Variants in LAMA3 observed in about 807,000 individuals in gnomAD.
LAMA3 encodes the protein laminin subunit alpha-3.
In LAMA3, 281 loss-of-function variants were observed where a neutral mutation model predicts 402.0. The observed-to-expected ratio is 0.70, with a 90% CI of 0.63 to 0.77. The LOEUF (loss-of-function observed/expected upper bound fraction) is 0.77, where lower values mean the gene tolerates loss of function less well. Among genes scored for constraint, LAMA3 ranks in the 30% least tolerant of loss-of-function variants. LAMA3 has a pLI of 0.00. For missense variants in LAMA3, 3,840 were observed against 4,215.5 expected, an observed-to-expected ratio of 0.91 and a Z score of 2.47; for synonymous variants, 1,431 against 1,558.4, an observed-to-expected ratio of 0.92 and a Z score of 1.93.
At chr18:23,838,975 A>G (rs2063641329) in intron 26 of LAMA3, 97 bp downstream of exon 26, 10 of 797,600 alleles carry the variant, frequency 1.3e-5, no homozygotes, top group Admixed American at 3.7e-5. Context: ...AAATGATCAT[A>G]AGCCAAGGTG....
chr18:23,909,379 T>C (rs1273999698), intron 55 of LAMA3, 84 bp downstream of exon 55: 1 of 1,280,886 alleles, frequency 7.8e-7, no homozygotes. Flanking sequence ...AAAACACTTA[T>C]TTACTCAAGA....
At chr18:23,783,363 G>A (rs1415380224) in intron 11 of LAMA3, among the ~76,000 whole-genome samples, 1 of 152,090 alleles carries the variant, frequency 6.6e-6, no homozygotes, top group African/African-American at 2.4e-5. Context: ...GAGGAAAGTG[G>A]GGGGGCCATT....
chr18:23,905,967 G>T (rs2081236104), intron 52 of LAMA3, among the ~76,000 whole-genome samples: 1 of 152,022 alleles, frequency 6.6e-6, no homozygotes, highest in African/African-American at 2.4e-5. Context: ...GTCTTGCTAT[G>T]TTTCCCAGGC....
intron 51 of LAMA3, 83 bp downstream of exon 51, chr18:23,904,777 AT>A: frequency 2.1e-6 from 3 of 1,400,904 alleles, no homozygotes; most frequent in Non-Finnish European, 3.0e-6. Flanking sequence ...GCTCCAAGGA[AT>A]AGAAACAAAG....
intron 68 of LAMA3, among the ~76,000 whole-genome samples, chr18:23,940,370 CT>C (rs1212788576): frequency 5.9e-5 from 9 of 152,210 alleles, no homozygotes; most frequent in African/African-American, 1.9e-4. Context: ...TGGCCCGGCT[CT>C]AATACCCCCG....
chr18:23,944,084 G>T, intron 69 of LAMA3, 113 bp downstream of exon 69: 2 of 1,030,614 alleles, frequency 1.9e-6, no homozygotes, highest in South Asian at 2.7e-5. Context: ...GAGTGGGAGA[G>T]CTTGTGTGCT....
At chr18:23,813,155 G>C in intron 14 of LAMA3, 52 bp downstream of exon 14, 1 of 1,217,134 alleles carries the variant, frequency 8.2e-7, no homozygotes, top group Non-Finnish European at 1.2e-6. Context: ...TTATTCTCAT[G>C]CATATTAAGG....
At chr18:23,932,881 AC>A (rs1294683796) in intron 66 of LAMA3, among the ~76,000 whole-genome samples, 1 of 152,254 alleles carries the variant, frequency 6.6e-6, no homozygotes, top group Non-Finnish European at 1.5e-5. Context: ...GGAGCCTCCC[AC>A]CCATCAGGGC....
At chr18:23,739,726 AAAC>A (rs2061532411) in intron 2 of LAMA3, among the ~76,000 whole-genome samples, 1 of 152,360 alleles carries the variant, frequency 6.6e-6, no homozygotes, top group Admixed American at 6.5e-5. Context: ...TACTTATGAA[AAAC>A]AACAATAACA....
intron 39 of LAMA3, among the ~76,000 whole-genome samples, chr18:23,881,732 C>T (rs1748713694): frequency 6.6e-6 from 1 of 152,118 alleles, no homozygotes; most frequent in Admixed American, 6.5e-5. Flanking sequence ...TTAAGCACCG[C>T]GTCACTGAGG....
At chr18:23,868,970 A>G (rs2064435745) in intron 37 of LAMA3, among the ~76,000 whole-genome samples, 1 of 152,236 alleles carries the variant, frequency 6.6e-6, no homozygotes, top group Non-Finnish European at 1.5e-5. Flanking sequence ...CATCTATACA[A>G]TGGAATACTA....
At chr18:23,859,291 T>A (rs2064159061) in intron 34 of LAMA3, among the ~76,000 whole-genome samples, 1 of 152,210 alleles carries the variant, frequency 6.6e-6, no homozygotes. Flanking sequence ...GGGTTTTTTC[T>A]ATACTAAAAA....
At chr18:23,932,357 G>C in intron 66 of LAMA3, 66 bp downstream of exon 66, 2 of 1,566,920 alleles carry the variant, frequency 1.3e-6, no homozygotes, top group Non-Finnish European at 1.8e-6. Flanking sequence ...GTATCTCTTT[G>C]GTCCAGTTAA....
intron 39 of LAMA3, among the ~76,000 whole-genome samples, chr18:23,877,800 G>A (rs1225796299): frequency 6.6e-6 from 1 of 152,182 alleles, no homozygotes; most frequent in Non-Finnish European, 1.5e-5. Context: ...TGTAACACGA[G>A]TAGATGCTTT....
Position 23,904,085 on chromosome 18 carries a change from A to T in LAMA3, c.6471A>T (p.Glu2157Asp). 6.2e-7 allele frequency: 1 copy of T among 1,613,504 alleles called. No individual in the cohort carries two copies. Among genetic ancestry groups the T allele is most frequent in the Non-Finnish European group, 8.5e-7 (1 of 1,180,008 alleles). Residue 2157 changes from glutamate (E) to aspartate (D), a missense_variant and splice_region_variant, in exon 50 of 75, where the codon GAA (glutamate) becomes GAT (aspartate). Glu to Asp is a conservative substitution (Grantham distance 45, BLOSUM62 2). Around this residue, in one of 3 missense-constraint regions of LAMA3, gnomAD observed 891 missense variants for 857.5 expected, o/e 1.04. Coordinates refer to ENST00000313654, the MANE Select transcript of LAMA3 (RefSeq NM_198129.4). The part of the protein sequence containing the change: ...RSLQELAKQL[E>D]EIKRNASGDE... ...TACAAGAGCTGGCAAAGCAGCTGGA[A>T]GAGTGAGTGCATGGCCCAGGAGACC... is the stretch of plus-strand genomic sequence containing the variant.
At chr18:23,898,710 G>T (rs750553799) in intron 44 of LAMA3, 28 bp from the exon 45 acceptor site, 2 of 1,194,782 alleles carry the variant, frequency 1.7e-6, no homozygotes, top group Non-Finnish European at 2.5e-6. Context: ...ATACTGTAAA[G>T]TGACATTCAT....
At chr18:23,894,402 G>T (rs1300098996) in intron 43 of LAMA3, 54 bp downstream of exon 43, 5 of 1,457,636 alleles carry the variant, frequency 3.4e-6, no homozygotes, top group Non-Finnish European at 4.8e-6. Flanking sequence ...TTTGGTTTAA[G>T]ATATGTGAGC....
At chr18:23,850,040 A>AT (rs2063908643) in intron 32 of LAMA3, among the ~76,000 whole-genome samples, 1 of 152,084 alleles carries the variant, frequency 6.6e-6, no homozygotes, top group Non-Finnish European at 1.5e-5. Context: ...AGGAAAAACT[A>AT]TTTTTTTCCT....
chr18:23,730,906 T>G (rs2061384002), intron 2 of LAMA3, among the ~76,000 whole-genome samples: 1 of 152,184 alleles, frequency 6.6e-6, no homozygotes, highest in Non-Finnish European at 1.5e-5. Flanking sequence ...AGAAGTATAG[T>G]GCAATTCTGC....
Sources: allele counts gnomAD v4.1 joint callset (sites outside exome capture counted in the v4.1 genomes callset), GRCh38; gene constraint gnomAD v4.1.1; regional missense constraint gnomAD v4.1.1; transcripts MANE v1.5; gene names NCBI Gene and HGNC (gene_info 2026-07-23, HGNC 2026-07-21).